Variants in SLC38A2 observed in about 807,000 individuals in gnomAD.
The protein encoded by SLC38A2 is sodium-coupled neutral amino acid symporter 2.
Under a neutral mutation model 61.5 loss-of-function variants are expected in SLC38A2, and 11 were observed. The observed-to-expected ratio is 0.18, with a 90% CI of 0.11 to 0.30. SLC38A2 has a LOEUF of 0.30. SLC38A2 is among the 10% of genes least tolerant of loss of function. The probability of loss-of-function intolerance (pLI) is 1.00; values close to 1 mark genes in which losing one functional copy is unlikely to be tolerated. For missense variants in SLC38A2, 522 were observed against 600.4 expected (o/e 0.87, Z 1.36); for synonymous variants, 217 against 212.5 (o/e 1.02, Z -0.18).
rs746216454 is a variant in SLC38A2, at chr12:46,358,850, G to A, written c.*2261C>T. 3 of 152,564 alleles carry A rather than the reference G, an allele frequency of 2.0e-5. No homozygotes were observed. Among genetic ancestry groups the A allele is most frequent in the Non-Finnish European group, 4.4e-5 (3 of 68,022 alleles). 9.5% of individuals were successfully genotyped at this position (152,564 alleles called of 1,614,324 possible). A position where few individuals can be genotyped will look rare whatever the true frequency, so the allele number is the denominator to read the frequency against. On this transcript the variant is annotated 3_prime_UTR_variant, in exon 16 of 16. Coordinates refer to ENST00000256689, the MANE Select transcript of SLC38A2 (RefSeq NM_018976.5). ...TCCACGGAAGACAGTAATGCAAAAT[G>A]AGGTGACAAGACAGTGGTTTTAATA...
Position 46,372,653 on chromosome 12 carries a change from C to T in SLC38A2, c.-231G>A. ...AATAAAAAAGGAAAAGACAAATTGC[C>T]GCCCCAATCCTCCGGCGTCCGCCGT... On this transcript the variant is annotated 5_prime_UTR_variant, in exon 1 of 16. Coordinates refer to ENST00000256689, the MANE Select transcript of SLC38A2 (RefSeq NM_018976.5). 5.0e-6 allele frequency: 2 copies of T among 398,546 alleles called. No homozygotes were observed. The highest frequency in any genetic ancestry group is 8.9e-6 in the Non-Finnish European group (2 of 225,972). 24.7% of individuals were successfully genotyped at this position (398,546 alleles called of 1,614,324 possible). A position where few individuals can be genotyped will look rare whatever the true frequency, so the allele number is the denominator to read the frequency against.
intron 6 of SLC38A2, 26 bp from the exon 7 acceptor site, chr12:46,366,971 T>C (rs769284752): frequency 2.5e-6 from 4 of 1,612,076 alleles, no homozygotes; most frequent in South Asian, 1.1e-5. Flanking sequence ...ATTATACCAT[T>C]ACAAGTGCAA....
Position 46,361,063 on chromosome 12 carries a change from C to T in SLC38A2, c.*48G>A. 2 of 1,447,876 alleles carry T rather than the reference C, an allele frequency of 1.4e-6. No homozygotes were observed. Among genetic ancestry groups the T allele is most frequent in the Non-Finnish European group, 9.6e-7 (1 of 1,036,938 alleles). 89.7% of individuals were successfully genotyped at this position (1,447,876 alleles called of 1,614,324 possible). On this transcript the variant is annotated 3_prime_UTR_variant, in exon 16 of 16. Coordinates refer to ENST00000256689, the MANE Select transcript of SLC38A2 (RefSeq NM_018976.5). ...TGAAATTTCATAGTAGTTGAGTTTA[C>T]TCAACACTGGCATCAGATGGACTGA... is the stretch of plus-strand genomic sequence containing the variant.
intron 1 of SLC38A2, 33 bp downstream of exon 1, chr12:46,372,476 C>CCCTTCCCACAGACG (rs1943216531): frequency 2.6e-6 from 1 of 383,202 alleles, no homozygotes; most frequent in Non-Finnish European, 4.6e-6. Context: ...GGGCCCCGCG[C>CCCTTCCCACAGACG]CCTTCCCACA....
intron 15 of SLC38A2, 43 bp from the exon 16 acceptor site, chr12:46,361,252 A>G (rs1236927382): frequency 6.9e-7 from 1 of 1,459,324 alleles, no homozygotes; most frequent in Non-Finnish European, 9.6e-7. Flanking sequence ...GTAATAAAAC[A>G]TATATGCTAA....
In SLC38A2 at chr12:46,360,896, T is replaced by G; in HGVS notation, c.*215A>C. 2.1e-6 allele frequency: 1 copy of G among 484,646 alleles called. No homozygotes were observed. The highest frequency in any genetic ancestry group is 3.6e-6 in the Non-Finnish European group (1 of 275,668). The allele number at this position is 484,646 out of a possible 1,614,324, so 30.0% of individuals were successfully genotyped here. A position where few individuals can be genotyped will look rare whatever the true frequency, so the allele number is the denominator to read the frequency against. ...ACTTCCCTTAACCCGAGACTCGTGG[T>G]TTTGTTGTTCATATCCATTTCTAAC... On this transcript the variant is annotated 3_prime_UTR_variant, in exon 16 of 16. Coordinates refer to ENST00000256689, the MANE Select transcript of SLC38A2 (RefSeq NM_018976.5).
At position 46,370,830 on chromosome 12, in the gene SLC38A2, G is replaced by A. The variant is rs11183450; in HGVS notation, c.144C>T (p.Asn48=). 2 of 1,612,158 alleles carry A rather than the reference G, an allele frequency of 1.2e-6. No individual in the cohort carries two copies. The highest frequency in any genetic ancestry group is 2.7e-5 in the African/African-American group (2 of 74,814). ...AATTCGATTCAAGTAAAAAGTTCTGGTTTTCAGGATCTACATCTGCATAAT... is the reference window on the plus strand; with the variant it reads ...AATTCGATTCAAGTAAAAAGTTCTGATTTTCAGGATCTACATCTGCATAAT... The part of the protein sequence containing the change: ...KSHYADVDPE[N]QNFLLESNLG... Residue 48 remains asparagine, a synonymous_variant, in exon 3 of 16, where the codon AAC becomes AAT. Transcript: ENST00000256689.
At chr12:46,364,137 T>G in intron 10 of SLC38A2, 134 bp from the exon 11 acceptor site, 1 of 820,330 alleles carries the variant, frequency 1.2e-6, no homozygotes, top group Middle Eastern at 3.7e-4. Context: ...CTTCCATTCT[T>G]CTAATCTGTT....
chr12:46,370,530 G>A lies in SLC38A2; in HGVS notation c.296C>T (p.Thr99Ile). 6.2e-7 allele frequency: 1 copy of A among 1,613,384 alleles called. No homozygotes were observed. Among genetic ancestry groups the A allele is most frequent in the Non-Finnish European group, 8.5e-7 (1 of 1,179,336 alleles). ...TACTTACATAAAAAGAGCAATTCCAGTATTAGCCATGGCATAAGAAAGCCC... is the reference window on the plus strand; with the variant it reads ...TACTTACATAAAAAGAGCAATTCCAATATTAGCCATGGCATAAGAAAGCCC... ...ILGLSYAMANTGIALFIILLT... is the reference protein window; with the variant it reads ...ILGLSYAMANIGIALFIILLT... Residue 99 changes from threonine to isoleucine, a missense_variant, in exon 4 of 16, where the codon ACT becomes ATT. By Grantham distance (89) the Thr-to-Ile change is moderately conservative (BLOSUM62 -1). Around this residue, in one of 3 missense-constraint regions of SLC38A2, gnomAD observed 111 missense variants for 173.4 expected, o/e 0.64. Coordinates refer to ENST00000256689, the MANE Select transcript of SLC38A2 (RefSeq NM_018976.5).
chr12:46,370,980 T>C lies in SLC38A2; in HGVS notation c.117-123A>G, dbSNP rs181547411. The stretch of plus-strand genomic sequence containing the variant: ...GCTCTGATACAACATCTTTACTTAA[T>C]GTATAAATATTAACTAGGAGTTGAC... On this transcript the variant is annotated intron_variant, in intron 2 of 15. Transcript: ENST00000256689. 39 of 845,624 alleles carry C rather than the reference T, an allele frequency of 4.6e-5. No homozygotes were observed. The Admixed American group carries it at 9.1e-4, about 20-fold the overall frequency. 52.4% of individuals were successfully genotyped at this position (845,624 alleles called of 1,614,324 possible). A position where few individuals can be genotyped will look rare whatever the true frequency, so the allele number is the denominator to read the frequency against.
chr12:46,369,761 C>CA (rs1368129313), intron 4 of SLC38A2, among the ~76,000 whole-genome samples: 1 of 152,080 alleles, frequency 6.6e-6, no homozygotes, highest in Non-Finnish European at 1.5e-5. Flanking sequence ...GTCAGTGACG[C>CA]AAAAATGGCT....
At position 46,360,145 on chromosome 12, in the gene SLC38A2, A is replaced by C. The variant is rs1455104797; in HGVS notation, c.*966T>G. The C allele has an allele frequency of 6.5e-6, 1 of 152,684 alleles. No homozygotes were observed. The highest frequency in any genetic ancestry group is 1.9e-4 in the East Asian group (1 of 5,208). The allele number at this position is 152,684 out of a possible 1,614,324, so 9.5% of individuals were successfully genotyped here. A position where few individuals can be genotyped will look rare whatever the true frequency, so the allele number is the denominator to read the frequency against. Reference sequence around the variant, plus strand: ...TGTCAAAAAAGGGCTGGCCCAAAAAAAGACCCAGAGCTGTCAATACAACAC... The same window carrying C: ...TGTCAAAAAAGGGCTGGCCCAAAAACAGACCCAGAGCTGTCAATACAACAC... On this transcript the variant is annotated 3_prime_UTR_variant, in exon 16 of 16. Transcript: ENST00000256689.
At chr12:46,362,046 C>T in intron 15 of SLC38A2, 1 of 400,558 alleles carries the variant, frequency 2.5e-6, no homozygotes. Context: ...CATCCCTATT[C>T]CTATCTCCAA....
rs972301045 is a variant in SLC38A2, at chr12:46,359,921, G to C, written c.*1190C>G. ...TGAGAAACCCAGTGGCCTACGCAAA[G>C]AGAACTTATATCATATCAAACATAG... On this transcript the variant is annotated 3_prime_UTR_variant, in exon 16 of 16. Transcript: ENST00000256689. The C allele has an allele frequency of 1.3e-5, 2 of 152,658 alleles. No homozygotes were observed. The highest frequency in any genetic ancestry group is 2.1e-4 in the South Asian group (1 of 4,836). 9.5% of individuals were successfully genotyped at this position (152,658 alleles called of 1,614,324 possible).
At chr12:46,364,987 C>A (rs1943124629) in intron 8 of SLC38A2, 120 bp downstream of exon 8, 1 of 974,864 alleles carries the variant, frequency 1.0e-6, no homozygotes, top group Non-Finnish European at 1.6e-6. Flanking sequence ...GCTGTAAGTC[C>A]CAAAGATATA....
At chr12:46,367,201 G>C (rs768364130) in intron 5 of SLC38A2, 33 bp from the exon 6 acceptor site, 2 of 1,593,576 alleles carry the variant, frequency 1.3e-6, no homozygotes, top group South Asian at 1.1e-5. Context: ...TGAAGCCAAG[G>C]ATTTTAAAAG....
rs573928443 is a variant in SLC38A2 at position 46,368,532 on chromosome 12, A to C, written c.315-1192T>G. ...CCCAGAGATACAGACTAATTTTTTAAAGAAATTAAATAACAAAACAGGGAA... is the reference window on the plus strand; with the variant it reads ...CCCAGAGATACAGACTAATTTTTTACAGAAATTAAATAACAAAACAGGGAA... On this transcript the variant is annotated intron_variant, in intron 4 of 15. Coordinates refer to ENST00000256689, the MANE Select transcript of SLC38A2 (RefSeq NM_018976.5). Among the ~76,000 whole-genome samples the C allele has an allele frequency of 6.6e-5, 10 of 152,352 alleles. No individual in the cohort carries two copies. The East Asian group carries it at 1.5e-3, about 23-fold the overall frequency.
At chr12:46,366,464 C>T (rs898060672) in intron 7 of SLC38A2, among the ~76,000 whole-genome samples, 2 of 152,064 alleles carry the variant, frequency 1.3e-5, no homozygotes, top group Non-Finnish European at 2.9e-5. Context: ...GATGTCCAGC[C>T]TGTATTTTGC....
chr12:46,366,929 G>A lies in SLC38A2; in HGVS notation c.498C>T (p.Leu166=). 2 of 1,613,762 alleles carry A rather than the reference G, an allele frequency of 1.2e-6. No homozygotes were observed. The highest frequency in any genetic ancestry group is 1.7e-6 in the Non-Finnish European group (2 of 1,179,930). ...AAGGCAACTCATATTTCACTATGAAGAGGTAGCTTGACATAGCTGGAGGAA... is the reference window on the plus strand; with the variant it reads ...AAGGCAACTCATATTTCACTATGAAAAGGTAGCTTGACATAGCTGGAGGAA... ...MQNIGAMSSY[L]FIVKYELPLV... is the part of the protein sequence containing the mutation. Residue 166 remains leucine (L), a synonymous_variant, in exon 7 of 16, where the codon CTC becomes CTT. Transcript: ENST00000256689.
Sources: gnomAD v4.1 joint callset for allele counts (sites outside exome capture counted in the v4.1 genomes callset) on GRCh38, gnomAD v4.1.1 for gene constraint, gnomAD v4.1.1 regional missense constraint, MANE v1.5 for transcripts, NCBI Gene and HGNC (gene_info 2026-07-23, HGNC 2026-07-21) for gene names.